Variants in NUDCD3 observed in about 807,000 individuals in gnomAD.
NUDCD3 encodes NudC domain containing 3.
In NUDCD3, 13 loss-of-function variants were observed where a neutral mutation model predicts 39.7. That is an observed-to-expected ratio of 0.33 (90% CI 0.21 to 0.52). NUDCD3 has a LOEUF of 0.52. NUDCD3 is among the 20% of genes least tolerant of loss of function. The pLI is 0.96. For synonymous variants in NUDCD3, 175 were observed against 172.4 expected (o/e 1.02, Z -0.12); for missense variants, 453 against 458.1 (o/e 0.99, Z 0.10).
chr7:44,401,153 C>T (rs1021103199), intron 4 of NUDCD3, among the ~76,000 whole-genome samples: 2 of 152,182 alleles, frequency 1.3e-5, no homozygotes, highest in Admixed American at 1.3e-4. Context: ...CAAAGCCAGC[C>T]CCTCTGATTC....
At chr7:44,439,245 G>C (rs1269362337) in intron 2 of NUDCD3, among the ~76,000 whole-genome samples, 3 of 152,140 alleles carry the variant, frequency 2.0e-5, no homozygotes, top group Non-Finnish European at 2.9e-5. Context: ...ATTTGTCAGG[G>C]ACACATCTAC....
intron 5 of NUDCD3, among the ~76,000 whole-genome samples, chr7:44,389,154 T>C (rs1042105258): frequency 3.3e-5 from 5 of 152,250 alleles, no homozygotes; most frequent in Admixed American, 2.0e-4. Context: ...GGGATGCCAG[T>C]TGCACCCTAT....
intron 2 of NUDCD3, chr7:44,468,448 C>T (rs1391051774): frequency 3.1e-6 from 2 of 647,162 alleles, no homozygotes; most frequent in Non-Finnish European, 5.2e-6. Flanking sequence ...TCAGAGCTAG[C>T]AACTGAATGC....
chr7:44,473,572 C>T (rs1800299374), intron 2 of NUDCD3, among the ~76,000 whole-genome samples: 1 of 152,096 alleles, frequency 6.6e-6, no homozygotes, highest in Non-Finnish European at 1.5e-5. Context: ...CACTGATGTG[C>T]TTTTGTCTGT....
At chr7:44,453,987 G>A (rs1056177889) in intron 2 of NUDCD3, among the ~76,000 whole-genome samples, 3 of 152,096 alleles carry the variant, frequency 2.0e-5, no homozygotes, top group African/African-American at 7.2e-5. Flanking sequence ...AGGCTGCAGT[G>A]AGCTGTGGTT....
intron 3 of NUDCD3, among the ~76,000 whole-genome samples, chr7:44,421,108 T>C (rs1301483718): frequency 2.0e-5 from 3 of 151,804 alleles, no homozygotes; most frequent in Admixed American, 6.6e-5. Flanking sequence ...CCAAGGTGGG[T>C]GGATCACGAG....
At chr7:44,406,019 G>A (rs986406356) in intron 3 of NUDCD3, among the ~76,000 whole-genome samples, 1 of 152,034 alleles carries the variant, frequency 6.6e-6, no homozygotes, top group Non-Finnish European at 1.5e-5. Flanking sequence ...GGCTGGTCTC[G>A]AACTCTTGGC....
intron 4 of NUDCD3, among the ~76,000 whole-genome samples, chr7:44,394,094 G>A (rs543352274): frequency 2.6e-5 from 4 of 152,358 alleles, no homozygotes; most frequent in African/African-American, 7.2e-5. Context: ...GGTGGGCACC[G>A]ATGTGGTGCG....
chr7:44,392,209 CGTCATCACCAACCCCTCT>C, intron 5 of NUDCD3, 70 bp downstream of exon 5: 1 of 1,320,706 alleles, frequency 7.6e-7, no homozygotes. Context: ...TCTTCCCCAC[CGTCATCACCAACCCCTCT>C]GCCACTATCG....
rs563551175 is a variant in NUDCD3 at position 44,382,469 on chromosome 7, A to T, written c.*3542T>A. The stretch of plus-strand genomic sequence containing the variant: ...TGTCCTCACCAGGACTGGCAGGGGA[A>T]GCCCCAGGGCTTTGTGACCCTGTCC... On this transcript the variant is annotated 3_prime_UTR_variant, in exon 6 of 6. Coordinates refer to ENST00000355451, the MANE Select transcript of NUDCD3 (RefSeq NM_015332.4). 2.5e-4 allele frequency: 38 copies of T among 152,332 alleles called. No individual in the cohort carries two copies. Among genetic ancestry groups the T allele is most frequent in the African/African-American group, 7.7e-4 (32 of 41,572 alleles). 9.4% of individuals were successfully genotyped at this position (152,332 alleles called of 1,614,324 possible). A position where few individuals can be genotyped will look rare whatever the true frequency, so the allele number is the denominator to read the frequency against.
intron 2 of NUDCD3, among the ~76,000 whole-genome samples, chr7:44,481,801 T>C (rs1800497157): frequency 6.6e-6 from 1 of 152,200 alleles, no homozygotes; most frequent in African/African-American, 2.4e-5. Context: ...TCCCAAGATA[T>C]TGGGATGAGT....
rs1798272823 is a variant in NUDCD3 at position 44,379,460 on chromosome 7, CTG to C, written c.*6549_*6550del. Reference sequence around the variant, plus strand: ...AAGTCGTGAGTGGGGACAGCAGAGCCTGTTCAGGAGGCTGCTGACTGTCCAGG... The same window carrying C: ...AAGTCGTGAGTGGGGACAGCAGAGCCTTCAGGAGGCTGCTGACTGTCCAGG... On this transcript the variant is annotated 3_prime_UTR_variant, in exon 6 of 6. Coordinates refer to ENST00000355451, the MANE Select transcript of NUDCD3 (RefSeq NM_015332.4). 6.6e-6 allele frequency: 1 copy of C among 152,110 alleles called. No homozygotes were observed. Among genetic ancestry groups the C allele is most frequent in the Non-Finnish European group, 1.5e-5 (1 of 68,076 alleles). The allele number at this position is 152,110 out of a possible 1,614,324, so 9.4% of individuals were successfully genotyped here. A position where few individuals can be genotyped will look rare whatever the true frequency, so the allele number is the denominator to read the frequency against.
At chr7:44,405,013 C>G (rs1563167034) in intron 3 of NUDCD3, among the ~76,000 whole-genome samples, 1 of 152,308 alleles carries the variant, frequency 6.6e-6, no homozygotes, top group East Asian at 1.9e-4. Flanking sequence ...GAGGGGGCTG[C>G]ACACCCTGAA....
At chr7:44,398,240 T>C (rs1798658072) in intron 4 of NUDCD3, among the ~76,000 whole-genome samples, 1 of 152,210 alleles carries the variant, frequency 6.6e-6, no homozygotes, top group Non-Finnish European at 1.5e-5. Flanking sequence ...TGCATCTTAT[T>C]GAAGCAAGCA....
chr7:44,416,936 G>A (rs1242594679), intron 3 of NUDCD3, among the ~76,000 whole-genome samples: 1 of 152,140 alleles, frequency 6.6e-6, no homozygotes, highest in Non-Finnish European at 1.5e-5. Flanking sequence ...AGGACTGGGG[G>A]GGACAACTCA....
intron 2 of NUDCD3, among the ~76,000 whole-genome samples, chr7:44,457,051 A>C (rs1168857911): frequency 1.3e-5 from 2 of 152,088 alleles, no homozygotes; most frequent in African/African-American, 4.8e-5. Context: ...CCTAAAATTC[A>C]CATGTCCCAA....
chr7:44,396,974 AT>A (rs1192424309), intron 4 of NUDCD3, among the ~76,000 whole-genome samples: 1 of 152,006 alleles, frequency 6.6e-6, no homozygotes, highest in Admixed American at 6.5e-5. Flanking sequence ...TGAATATTTT[AT>A]TTTTTTAAAG....
intron 3 of NUDCD3, among the ~76,000 whole-genome samples, chr7:44,416,025 G>A (rs576749291): frequency 5.3e-4 from 80 of 151,984 alleles, no homozygotes; most frequent in South Asian, 1.5e-3. Flanking sequence ...TTTTAAGTGA[G>A]GTACGACTAA....
chr7:44,462,783 C>T (rs772602900), intron 2 of NUDCD3, among the ~76,000 whole-genome samples: 11 of 152,180 alleles, frequency 7.2e-5, no homozygotes, highest in Non-Finnish European at 1.2e-4. Flanking sequence ...TAGATAAAAA[C>T]CCAAATAATT....
Sources: gnomAD v4.1 joint callset for allele counts (sites outside exome capture counted in the v4.1 genomes callset) on GRCh38, gnomAD v4.1.1 for gene constraint, MANE v1.5 for transcripts, NCBI Gene and HGNC (gene_info 2026-07-23, HGNC 2026-07-21) for gene names.